ZNF233: variants seen among roughly 807,000 people sequenced by gnomAD.
ZNF233 encodes the protein zinc finger protein 233.
Under a neutral mutation model 11.6 loss-of-function variants are expected in ZNF233, and 7 were observed. The observed-to-expected ratio is 0.60, with a 90% CI of 0.34 to 1.13. The LOEUF is 1.13. Among genes scored for constraint, ZNF233 ranks in the 50% most tolerant of loss-of-function variants. The pLI is 0.03. For synonymous variants in ZNF233, 226 were observed against 268.5 expected, an observed-to-expected ratio of 0.84 and a Z score of 1.55; for missense variants, 711 against 785.5, an observed-to-expected ratio of 0.91 and a Z score of 1.13.
At position 44,265,611 on chromosome 19, in the gene ZNF233, G is replaced by A. The variant is rs909983254; in HGVS notation, c.16-587G>A. Reference sequence around the variant, plus strand: ...AATTTTTTGTGTTTTTAGTAGAGACGGTGTTTCACCATGTTGGTCAGGCTG... The same window carrying A: ...AATTTTTTGTGTTTTTAGTAGAGACAGTGTTTCACCATGTTGGTCAGGCTG... On this transcript the variant is annotated intron_variant, in intron 2 of 4. Coordinates refer to ENST00000683810, the MANE Select transcript of ZNF233 (RefSeq NM_001207005.2). 3.3e-5 allele frequency among the ~76,000 whole-genome samples: 5 copies of A among 151,956 alleles called. No homozygotes were observed. In the South Asian group the frequency reaches 6.2e-4, roughly 19 times the overall value.
At chr19:44,269,283 C>T (rs1394779971) in intron 4 of ZNF233, among the ~76,000 whole-genome samples, 1 of 150,750 alleles carries the variant, frequency 6.6e-6, no homozygotes, top group Non-Finnish European at 1.5e-5. Flanking sequence ...CTTAGCAAAT[C>T]TTGACTGTTT....
At chr19:44,264,467 G>A in intron 2 of ZNF233, 92 bp downstream of exon 2, 17 of 1,257,654 alleles carry the variant, frequency 1.4e-5, no homozygotes, top group Non-Finnish European at 1.7e-5. Flanking sequence ...GAAAGATAAA[G>A]GAGGAAAACA....
chr19:44,265,109 C>T (rs1244896143), intron 2 of ZNF233, among the ~76,000 whole-genome samples: 1 of 152,030 alleles, frequency 6.6e-6, no homozygotes, highest in Non-Finnish European at 1.5e-5. Flanking sequence ...CAGTTCCTTA[C>T]TCCCCAGAGG....
intron 1 of ZNF233, among the ~76,000 whole-genome samples, chr19:44,261,571 C>T (rs1013665400): frequency 1.4e-4 from 21 of 151,716 alleles, no homozygotes; most frequent in African/African-American, 4.6e-4. Flanking sequence ...ATACCTGACA[C>T]TGCTATTAAA....
intron 4 of ZNF233, among the ~76,000 whole-genome samples, chr19:44,269,999 C>G (rs931984316): frequency 5.9e-5 from 9 of 152,124 alleles, no homozygotes; most frequent in African/African-American, 1.9e-4. Context: ...TCTTCTCCCT[C>G]AAGGATCAAT....
intron 4 of ZNF233, among the ~76,000 whole-genome samples, chr19:44,269,356 C>T (rs903191258): frequency 2.0e-5 from 3 of 151,254 alleles, no homozygotes; most frequent in Admixed American, 6.6e-5. Context: ...AGTGCAGTGG[C>T]GCAATCTTGG....
rs376029336 is a variant in ZNF233 at position 44,273,757 on chromosome 19, G to A, written c.1097G>A (p.Gly366Glu). The A allele has an allele frequency of 1.2e-6, 2 of 1,614,072 alleles. No individual in the cohort carries two copies. The highest frequency in any genetic ancestry group is 8.5e-7 in the Non-Finnish European group (1 of 1,180,036). The change falls in exon 5 of 5, where the codon GGA becomes GAA. Residue 366 changes from glycine (G) to glutamate (E), a missense_variant. Transcript: ENST00000683810. ...CCCTCTCATGAGCTTACTCACCCAGGAGAGAAGTTGTGTACATGTGGCAGG... is the reference window on the plus strand; with the variant it reads ...CCCTCTCATGAGCTTACTCACCCAGAAGAGAAGTTGTGTACATGTGGCAGG... ...CLPSHELTHP[G>E]EKLCTCGRCG...
At chr19:44,267,351 CTTTTT>C (rs112959957) in intron 4 of ZNF233, 37 of 378,170 alleles carry the variant, frequency 9.8e-5, no homozygotes, top group Non-Finnish European at 1.6e-4. Context: ...GCCAAGGGTG[CTTTTT>C]TTTTTTTTTT....
intron 2 of ZNF233, among the ~76,000 whole-genome samples, chr19:44,265,041 G>C: frequency 6.6e-6 from 1 of 152,020 alleles, no homozygotes; most frequent in South Asian, 2.1e-4. Context: ...CCACCATTCA[G>C]AACAAGATAT....
At position 44,273,932 on chromosome 19, in the gene ZNF233, G is replaced by C. The variant is rs567446666; in HGVS notation, c.1272G>C (p.Lys424Asn). The C allele has an allele frequency of 3.7e-6, 6 of 1,613,294 alleles. No homozygotes were observed. In the Admixed American group the frequency reaches 6.7e-5, roughly 18 times the overall value. ...ATCAGAGAGGTCACTCTAGAGACAA[G>C]ACATACAAATGGGAAGTAAGTGACA... ...QAHQRGHSRD[K>N]TYKWEVSDRI... The change falls in exon 5 of 5, where the codon AAG becomes AAC. Residue 424 changes from lysine (K) to asparagine (N), a missense_variant. Transcript: ENST00000683810.
At chr19:44,269,920 C>T (rs1194351971) in intron 4 of ZNF233, among the ~76,000 whole-genome samples, 1 of 152,122 alleles carries the variant, frequency 6.6e-6, no homozygotes, top group Non-Finnish European at 1.5e-5. Context: ...CACCTACGTA[C>T]CCAGCTCCAC....
chr19:44,265,364 TATACAC>T (rs1274518324), intron 2 of ZNF233, among the ~76,000 whole-genome samples: 1,193 of 57,786 alleles, frequency 0.021, 14 homozygotes, highest in African/African-American at 0.05. Context: ...ATCATATATA[TATACAC>T]ACACACACAC....
Position 44,272,954 on chromosome 19 carries a change from T to G in ZNF233, c.294T>G (p.Leu98=), listed in dbSNP as rs988127614. 6.2e-7 allele frequency: 1 copy of G among 1,610,120 alleles called. No individual in the cohort carries two copies. Among genetic ancestry groups the G allele is most frequent in the Non-Finnish European group, 8.5e-7 (1 of 1,179,078 alleles). The change falls in exon 5 of 5, where the codon CTT becomes CTG. Residue 98 remains leucine, a synonymous_variant. Coordinates refer to ENST00000683810, the MANE Select transcript of ZNF233 (RefSeq NM_001207005.2). The part of the protein sequence containing the change: ...DTLQEVRLRF[L]SYEDLICWQI... ...TTCAAGAAGTAAGATTAAGATTCCT[T>G]TCATATGAAGACCTTATATGCTGGC...
intron 4 of ZNF233, among the ~76,000 whole-genome samples, chr19:44,269,458 G>A (rs914707678): frequency 6.6e-6 from 1 of 151,858 alleles, no homozygotes; most frequent in African/African-American, 2.4e-5. Flanking sequence ...ACCACACCCA[G>A]CTAATTTTTG....
intron 4 of ZNF233, among the ~76,000 whole-genome samples, chr19:44,268,477 C>G (rs534895794): frequency 3.3e-5 from 5 of 152,180 alleles, no homozygotes; most frequent in Non-Finnish European, 7.3e-5. Flanking sequence ...CTGTGCCCAA[C>G]ACTAATATTA....
intron 4 of ZNF233, among the ~76,000 whole-genome samples, chr19:44,271,862 C>G (rs930050692): frequency 4.6e-5 from 7 of 152,038 alleles, no homozygotes; most frequent in Admixed American, 4.6e-4. Context: ...GGTAAAGTTT[C>G]TCCTCTACAA....
intron 1 of ZNF233, 25 bp downstream of exon 1, chr19:44,259,963 T>C (rs1488669801): frequency 2.2e-6 from 1 of 454,508 alleles, no homozygotes; most frequent in East Asian, 7.1e-5. Context: ...AACCTCTGCA[T>C]CTACGGCGAG....
At chr19:44,272,871 C>T in intron 4 of ZNF233, 28 bp from the exon 5 acceptor site, 1 of 1,438,664 alleles carries the variant, frequency 7.0e-7, no homozygotes, top group African/African-American at 1.4e-5. Flanking sequence ...TCTTCATTTT[C>T]ATTTCTGAGT....
intron 4 of ZNF233, among the ~76,000 whole-genome samples, chr19:44,270,482 T>C (rs1975209153): frequency 6.6e-6 from 1 of 151,874 alleles, no homozygotes; most frequent in Non-Finnish European, 1.5e-5. Flanking sequence ...TATCATACCA[T>C]TGCACTCCAG....
Sources: gnomAD v4.1 joint callset for allele counts (sites outside exome capture counted in the v4.1 genomes callset) on GRCh38, gnomAD v4.1.1 for gene constraint, MANE v1.5 for transcripts, NCBI Gene and HGNC (gene_info 2026-07-23, HGNC 2026-07-21) for gene names.